Variants in FAM110B observed in about 807,000 individuals in gnomAD.
FAM110B encodes protein FAM110B.
Under a neutral mutation model 20.4 loss-of-function variants are expected in FAM110B, and 6 were observed. The ratio of observed to expected loss-of-function variants is 0.29; its 90% CI spans 0.16 to 0.58. The LOEUF (loss-of-function observed/expected upper bound fraction) is 0.58. Among genes scored for constraint, FAM110B ranks in the 20% least tolerant of loss-of-function variants. The pLI, the probability that FAM110B is intolerant of heterozygous loss-of-function variation, is 0.90. For missense variants in FAM110B, 434 were observed against 498.2 expected (o/e 0.87, Z 1.23); for synonymous variants, 226 against 214.1 (o/e 1.06, Z -0.49).
intron 3 of FAM110B, among the ~76,000 whole-genome samples, chr8:58,123,398 A>G (rs1181847663): frequency 1.3e-5 from 2 of 152,168 alleles, no homozygotes; most frequent in Non-Finnish European, 1.5e-5. Flanking sequence ...CTGTGAGATT[A>G]GTTCCAATTC....
chr8:58,086,932 A>G (rs1397066099), intron 3 of FAM110B, among the ~76,000 whole-genome samples: 1 of 152,238 alleles, frequency 6.6e-6, no homozygotes, highest in Non-Finnish European at 1.5e-5. Context: ...CCTTTAGTGC[A>G]TCATCTCCCT....
chr8:58,146,571 A>G lies in FAM110B; in HGVS notation c.341A>G (p.Glu114Gly), dbSNP rs775018870. The change falls in exon 4 of 4, where the codon GAG becomes GGG. Residue 114 changes from glutamate (E) to glycine (G), a missense_variant. Transcript: ENST00000519262. ...HAKTESGVQRENLKLEILKNI... is the reference protein window; with the variant it reads ...HAKTESGVQRGNLKLEILKNI... ...AAGACCGAGAGCGGCGTGCAGAGGG[A>G]GAACCTGAAGCTGGAGATCCTGAAG... The G allele has an allele frequency of 2.5e-6, 4 of 1,614,048 alleles. No individual in the cohort carries two copies. Among genetic ancestry groups the G allele is most frequent in the Non-Finnish European group, 1.7e-6 (2 of 1,179,946 alleles).
At chr8:58,066,292 G>A (rs1805759282) in intron 2 of FAM110B, among the ~76,000 whole-genome samples, 1 of 152,176 alleles carries the variant, frequency 6.6e-6, no homozygotes, top group Non-Finnish European at 1.5e-5. Flanking sequence ...ATCCCTCTCA[G>A]CGGGCGACCT....
chr8:58,092,562 A>T (rs916506164), intron 3 of FAM110B, among the ~76,000 whole-genome samples: 12 of 152,214 alleles, frequency 7.9e-5, no homozygotes, highest in African/African-American at 2.9e-4. Flanking sequence ...ATGTCCCTGC[A>T]AAGGACATGA....
At chr8:58,054,018 G>T (rs921959139) in intron 2 of FAM110B, among the ~76,000 whole-genome samples, 2 of 152,218 alleles carry the variant, frequency 1.3e-5, no homozygotes, top group African/African-American at 2.4e-5. Context: ...ACTGAAGTGA[G>T]ATGCATAAAC....
chr8:58,079,278 A>T (rs929244657), intron 3 of FAM110B, among the ~76,000 whole-genome samples: 3 of 152,166 alleles, frequency 2.0e-5, no homozygotes, highest in African/African-American at 7.2e-5. Context: ...TTTTAAAAAG[A>T]GGAGGAGGAA....
intron 2 of FAM110B, among the ~76,000 whole-genome samples, chr8:58,052,907 T>A (rs2150581661): frequency 7.1e-6 from 1 of 141,442 alleles, no homozygotes; most frequent in South Asian, 2.5e-4. Context: ...TGCCTCAGCC[T>A]CCCGAGTAGC....
chr8:58,036,978 T>C (rs1219269713), intron 2 of FAM110B, among the ~76,000 whole-genome samples: 2 of 152,214 alleles, frequency 1.3e-5, no homozygotes, highest in African/African-American at 2.4e-5. Context: ...CTTATTGTTA[T>C]CCAATCATAC....
chr8:58,146,947 C>A lies in FAM110B; in HGVS notation c.717C>A (p.Pro239=). Residue 239 remains proline, a synonymous_variant, in exon 4 of 4, where the codon CCC becomes CCA. Transcript: ENST00000519262. ...KIAAIASMKS[P]EADPVEPACG... ...CAGCCATCGCCTCCATGAAGTCCCC[C>A]GAGGCCGACCCTGTGGAACCAGCTT... The A allele has an allele frequency of 6.2e-7, 1 of 1,614,200 alleles. No homozygotes were observed. Among genetic ancestry groups the A allele is most frequent in the South Asian group, 1.1e-5 (1 of 91,084 alleles).
intron 3 of FAM110B, among the ~76,000 whole-genome samples, chr8:58,085,824 T>TGGCC (rs777564693): frequency 6.6e-6 from 1 of 152,232 alleles, no homozygotes; most frequent in Non-Finnish European, 1.5e-5. Flanking sequence ...TCTTGGGCAC[T>TGGCC]GGCCATTCAC....
chr8:58,043,591 A>G (rs1199613305), intron 2 of FAM110B, among the ~76,000 whole-genome samples: 1 of 152,174 alleles, frequency 6.6e-6, no homozygotes, highest in African/African-American at 2.4e-5. Context: ...CGTCATTTAC[A>G]TTAGGTATAT....
chr8:57,997,872 G>A (rs1804215929), intron 1 of FAM110B, among the ~76,000 whole-genome samples: 1 of 152,200 alleles, frequency 6.6e-6, no homozygotes, highest in Non-Finnish European at 1.5e-5. Flanking sequence ...CTAAGAGAGA[G>A]TAGGTGCTGT....
chr8:58,145,954 T>G lies in FAM110B; in HGVS notation c.-277T>G. ...AGACCTGGAGGAGACTCCCACCTCC[T>G]TCAGGGAGAAGAAAGGAGGCAGCGA... On this transcript the variant is annotated 5_prime_UTR_variant, in exon 4 of 4. Transcript: ENST00000519262. The G allele has an allele frequency of 2.7e-6, 1 of 368,960 alleles. No individual in the cohort carries two copies. 22.9% of individuals were successfully genotyped at this position (368,960 alleles called of 1,614,324 possible). A position where few individuals can be genotyped will look rare whatever the true frequency, so the allele number is the denominator to read the frequency against.
chr8:58,105,845 C>T (rs1806898700), intron 3 of FAM110B, among the ~76,000 whole-genome samples: 1 of 152,060 alleles, frequency 6.6e-6, no homozygotes, highest in Non-Finnish European at 1.5e-5. Context: ...GCTGGGATTA[C>T]AGGCATGAGC....
At chr8:58,016,695 C>A (rs1804644737) in intron 1 of FAM110B, among the ~76,000 whole-genome samples, 1 of 152,164 alleles carries the variant, frequency 6.6e-6, no homozygotes, top group African/African-American at 2.4e-5. Flanking sequence ...GTGCTCCAGT[C>A]TGTGTTTGTC....
At chr8:58,111,752 G>A (rs540716199) in intron 3 of FAM110B, among the ~76,000 whole-genome samples, 10 of 152,148 alleles carry the variant, frequency 6.6e-5, no homozygotes, top group African/African-American at 9.6e-5. Flanking sequence ...GGTCCCCCAC[G>A]TGTGTGCAAA....
intron 1 of FAM110B, among the ~76,000 whole-genome samples, chr8:58,003,888 T>C (rs909692774): frequency 1.3e-5 from 2 of 152,184 alleles, no homozygotes; most frequent in African/African-American, 4.8e-5. Flanking sequence ...CTGCATTAGC[T>C]TCTAATGAGA....
Position 58,146,917 on chromosome 8 carries a change from A to C in FAM110B, c.687A>C (p.Lys229Asn). 6.2e-7 allele frequency: 1 copy of C among 1,614,130 alleles called. No homozygotes were observed. Among genetic ancestry groups the C allele is most frequent in the Non-Finnish European group, 8.5e-7 (1 of 1,180,014 alleles). The change falls in exon 4 of 4, where the codon AAA becomes AAC. Residue 229 changes from lysine to asparagine, a missense_variant. Around this residue, in one of 3 missense-constraint regions of FAM110B, gnomAD observed 284 missense variants for 278.3 expected, o/e 1.02. Transcript: ENST00000519262. ...SSAPPLPPKPKIAAIASMKSP... is the reference protein window; with the variant it reads ...SSAPPLPPKPNIAAIASMKSP... The stretch of plus-strand genomic sequence containing the variant: ...CCCCTCCCCTGCCTCCCAAGCCCAA[A>C]ATCGCAGCCATCGCCTCCATGAAGT...
At chr8:58,081,786 G>A (rs1248148003) in intron 3 of FAM110B, among the ~76,000 whole-genome samples, 1 of 151,796 alleles carries the variant, frequency 6.6e-6, no homozygotes, top group Non-Finnish European at 1.5e-5. Flanking sequence ...TCCTTTAAAA[G>A]CAATGGGTTT....
Sources: gnomAD v4.1 joint callset for allele counts (sites outside exome capture counted in the v4.1 genomes callset) on GRCh38, gnomAD v4.1.1 for gene constraint, gnomAD v4.1.1 regional missense constraint, MANE v1.5 for transcripts, NCBI Gene and HGNC (gene_info 2026-07-23, HGNC 2026-07-21) for gene names.